Variants in MRPS2 observed in about 807,000 individuals in gnomAD.
The protein encoded by MRPS2 is mitochondrial ribosomal protein S2.
In MRPS2, 13 loss-of-function variants were observed where a neutral mutation model predicts 18.9. The observed-to-expected ratio is 0.69, with a 90% CI of 0.45 to 1.09. MRPS2 has a LOEUF of 1.09. Among genes scored for constraint, MRPS2 ranks in the 50% least tolerant of loss-of-function variants. The pLI is 0.00. For missense variants in MRPS2, 389 were observed against 421.7 expected, an observed-to-expected ratio of 0.92 and a Z score of 0.68; for synonymous variants, 186 against 178.4, an observed-to-expected ratio of 1.04 and a Z score of -0.34.
rs763430687 is a variant in MRPS2 at position 135,503,776 on chromosome 9, C to T, written c.534C>T (p.Asn178=). 2.7e-5 allele frequency: 43 copies of T among 1,612,768 alleles called. No individual in the cohort carries two copies. Among genetic ancestry groups the T allele is most frequent in the Admixed American group, 1.3e-4 (8 of 60,006 alleles). ...TRYFRGGMLT[N]ARLLFGPTVR... Reference sequence around the variant, plus strand: ...ACTTCAGGGGCGGCATGCTGACCAACGCGCGCCTCCTCTTTGGCCCCACGG... The same window carrying T: ...ACTTCAGGGGCGGCATGCTGACCAATGCGCGCCTCCTCTTTGGCCCCACGG... The change falls in exon 4 of 4, where the codon AAC becomes AAT. Residue 178 remains asparagine, a synonymous_variant. Coordinates refer to ENST00000241600, the MANE Select transcript of MRPS2 (RefSeq NM_016034.5).
At position 135,500,766 on chromosome 9, in the gene MRPS2, T is replaced by G; in HGVS notation, c.43+13T>G. The G allele has an allele frequency of 6.8e-7, 1 of 1,475,704 alleles. No individual in the cohort carries two copies. Among genetic ancestry groups the G allele is most frequent in the South Asian group, 1.4e-5 (1 of 73,022 alleles). 91.4% of individuals were successfully genotyped at this position (1,475,704 alleles called of 1,614,324 possible). ...ATACTCGGCGCGGGTGAGCGCGCGC[T>G]TGCGGGACCCTGGGGAGGAGCATGC... On this transcript the variant is annotated intron_variant, in intron 1 of 3. Coordinates refer to ENST00000241600, the MANE Select transcript of MRPS2 (RefSeq NM_016034.5).
At chr9:135,500,657 G>C (rs1237826806), upstream of MRPS2, 5 of 1,406,810 alleles carry the variant, frequency 3.6e-6, no homozygotes, top group South Asian at 3.1e-5. Context: ...GACGGAAGGG[G>C]AGGCCGCTCG....
chr9:135,504,148 C>G lies in MRPS2; in HGVS notation c.*15C>G. 1 of 1,560,088 alleles carries G rather than the reference C, an allele frequency of 6.4e-7. No individual in the cohort carries two copies. The highest frequency in any genetic ancestry group is 1.2e-5 in the South Asian group (1 of 84,098). On this transcript the variant is annotated 3_prime_UTR_variant, in exon 4 of 4. Coordinates refer to ENST00000241600, the MANE Select transcript of MRPS2 (RefSeq NM_016034.5). The surrounding 1 kb of genome is among the most constrained non-coding windows in gnomAD (Gnocchi z 4.3). ...ATTCCCTGTGATGTTCACTCTCCTCCCAAAGCAAACCACAGCCAAGCCTGT... is the reference window on the plus strand; with the variant it reads ...ATTCCCTGTGATGTTCACTCTCCTCGCAAAGCAAACCACAGCCAAGCCTGT...
At chr9:135,500,920 G>A (rs778102287) in intron 1 of MRPS2, 78 bp from the exon 2 acceptor site, 1 of 1,590,970 alleles carries the variant, frequency 6.3e-7, no homozygotes, top group Non-Finnish European at 8.6e-7. Flanking sequence ...ACGCGGAGGG[G>A]CCCGTTGGGG....
In MRPS2 at chr9:135,503,676, T is replaced by G; in HGVS notation, c.434T>G (p.Ile145Arg). Residue 145 changes from isoleucine (I) to arginine (R), a missense_variant, in exon 4 of 4, where the codon ATA (isoleucine) becomes AGA (arginine). Ile to Arg is a moderately conservative substitution (Grantham distance 97, BLOSUM62 -3). Coordinates refer to ENST00000241600, the MANE Select transcript of MRPS2 (RefSeq NM_016034.5). ...MAYRKGIILFISRNRQFSYLI... is the reference protein window; with the variant it reads ...MAYRKGIILFRSRNRQFSYLI... Reference sequence around the variant, plus strand: ...TACCGCAAGGGCATCATCTTGTTTATAAGCCGCAACCGGCAGTTCTCGTAC... The same window carrying G: ...TACCGCAAGGGCATCATCTTGTTTAGAAGCCGCAACCGGCAGTTCTCGTAC... The G allele has an allele frequency of 1.2e-6, 2 of 1,613,818 alleles. No homozygotes were observed. Among genetic ancestry groups the G allele is most frequent in the Non-Finnish European group, 1.7e-6 (2 of 1,180,034 alleles).
Position 135,500,771 on chromosome 9 carries a change from G to A in MRPS2, c.43+18G>A. 1 of 1,471,724 alleles carries A rather than the reference G, an allele frequency of 6.8e-7. No homozygotes were observed. The highest frequency in any genetic ancestry group is 8.9e-7 in the Non-Finnish European group (1 of 1,117,674). The allele number at this position is 1,471,724 out of a possible 1,614,324, so 91.2% of individuals were successfully genotyped here. On this transcript the variant is annotated intron_variant, in intron 1 of 3. Transcript: ENST00000241600. ...CGGCGCGGGTGAGCGCGCGCTTGCGGGACCCTGGGGAGGAGCATGCGAGGA... is the reference window on the plus strand; with the variant it reads ...CGGCGCGGGTGAGCGCGCGCTTGCGAGACCCTGGGGAGGAGCATGCGAGGA...
upstream of MRPS2, chr9:135,499,966 C>T: frequency 7.8e-7 from 1 of 1,277,262 alleles, no homozygotes; most frequent in Non-Finnish European, 1.0e-6. Context: ...GGCCGGGTTC[C>T]TCTGCGGGTG....
intron 2 of MRPS2, chr9:135,501,494 C>G: frequency 1.2e-6 from 1 of 820,802 alleles, no homozygotes; most frequent in South Asian, 2.7e-5. Context: ...TGGGGACTTT[C>G]TGGCTGGCCA....
At chr9:135,503,134 A>G (rs1831189885) in intron 3 of MRPS2, 4 of 1,047,210 alleles carry the variant, frequency 3.8e-6, no homozygotes, top group Non-Finnish European at 4.6e-6. Context: ...CTTTTGGCCC[A>G]GAGCACCCCG....
rs972761120 is a variant in MRPS2, at chr9:135,502,202, G to T, written c.299+229G>T. 3.7e-6 allele frequency: 5 copies of T among 1,353,512 alleles called. No individual in the cohort carries two copies. In the African/African-American group the frequency reaches 5.9e-5, roughly 16 times the overall value. The allele number at this position is 1,353,512 out of a possible 1,614,324, so 83.8% of individuals were successfully genotyped here. A position where few individuals can be genotyped will look rare whatever the true frequency, so the allele number is the denominator to read the frequency against. The stretch of plus-strand genomic sequence containing the variant: ...GCGCTCACAGCCCTTGATAGGGCAG[G>T]CCTGCTGGGGGTTGCAGGACTCCAC... On this transcript the variant is annotated intron_variant, in intron 3 of 3. Transcript: ENST00000241600.
In MRPS2 at chr9:135,501,572, CCT is replaced by C. The variant is rs901867350; in HGVS notation, c.170-269_170-268del. The stretch of plus-strand genomic sequence containing the variant: ...ACCCGCTGGGCCCCTCTCTTTTTCT[CCT>C]CTGTCTTCCAAGTAAGACCAAGGGA... On this transcript the variant is annotated intron_variant, in intron 2 of 3. Transcript: ENST00000241600. 10 of 1,118,380 alleles carry C rather than the reference CCT, an allele frequency of 8.9e-6. No homozygotes were observed. In the African/African-American group the frequency reaches 1.4e-4, roughly 16 times the overall value. 69.3% of individuals were successfully genotyped at this position (1,118,380 alleles called of 1,614,324 possible).
In MRPS2 at chr9:135,504,273, CA is replaced by C; in HGVS notation, c.*141del. On this transcript the variant is annotated 3_prime_UTR_variant, in exon 4 of 4. Transcript: ENST00000241600. The surrounding 1 kb of genome is among the most constrained non-coding windows in gnomAD (Gnocchi z 4.3). ...ACAGTGCAGACATCCACCGTTCCAC[CA>C]CAGAACCAGTGGCTGAGCGGACCAA... 1 of 832,842 alleles carries C rather than the reference CA, an allele frequency of 1.2e-6. No individual in the cohort carries two copies. The highest frequency in any genetic ancestry group is 1.8e-6 in the Non-Finnish European group (1 of 548,558). 51.6% of individuals were successfully genotyped at this position (832,842 alleles called of 1,614,324 possible).
Position 135,503,620 on chromosome 9 carries a change from G to A in MRPS2, c.378G>A (p.Gln126=). The change falls in exon 4 of 4, where the codon CAG becomes CAA. Residue 126 remains glutamine, a synonymous_variant. Transcript: ENST00000241600. Reference sequence around the variant, plus strand: ...TGGAACAGACAGCCACGCACCTCCAGCTGGCCTTGAACTTCACCGCCCACA... The same window carrying A: ...TGGAACAGACAGCCACGCACCTCCAACTGGCCTTGAACTTCACCGCCCACA... ...IDLEQTATHL[Q]LALNFTAHMA... 4.3e-6 allele frequency: 7 copies of A among 1,613,814 alleles called. No homozygotes were observed. Among genetic ancestry groups the A allele is most frequent in the Non-Finnish European group, 5.9e-6 (7 of 1,180,030 alleles).
At chr9:135,500,195 C>T (rs1451222317), upstream of MRPS2, 5 of 337,416 alleles carry the variant, frequency 1.5e-5, no homozygotes, top group South Asian at 6.7e-5. Context: ...CAGGTCCACT[C>T]GGCAGGCAAC....
Position 135,501,827 on chromosome 9 carries a change from C to G in MRPS2, c.170-17C>G, listed in dbSNP as rs933326647. 5.0e-6 allele frequency: 8 copies of G among 1,612,500 alleles called. No homozygotes were observed. The highest frequency in any genetic ancestry group is 6.8e-6 in the Non-Finnish European group (8 of 1,179,690). ...CACCGGTGGGAGACGCAGCGTCGCT[C>G]CTCCTCCCTGCCGTAGATTTCAACG... is the stretch of plus-strand genomic sequence containing the variant. On this transcript the variant is annotated splice_polypyrimidine_tract_variant and intron_variant, in intron 2 of 3. Transcript: ENST00000241600.
chr9:135,501,744 A>C, intron 2 of MRPS2, 100 bp from the exon 3 acceptor site: 1 of 1,543,178 alleles, frequency 6.5e-7, no homozygotes, highest in Admixed American at 1.8e-5. Context: ...CCTCGGTGTC[A>C]CAGAAGGCAC....
chr9:135,501,057 C>T lies in MRPS2; in HGVS notation c.103C>T (p.Arg35Trp), dbSNP rs1221127434. The change falls in exon 2 of 4, where the codon CGG becomes TGG. Residue 35 changes from arginine (R) to tryptophan (W), a missense_variant. Coordinates refer to ENST00000241600, the MANE Select transcript of MRPS2 (RefSeq NM_016034.5). ...CGGGAAGGCGACCCCCCGGCCTGCT[C>T]GGCCGAGCCGCAGGACGCTTGGAAG... Reference protein sequence around the residue: ...FLGKATPRPARPSRRTLGSAT... With the variant: ...FLGKATPRPAWPSRRTLGSAT... 3 of 1,609,364 alleles carry T rather than the reference C, an allele frequency of 1.9e-6. No individual in the cohort carries two copies. Among genetic ancestry groups the T allele is most frequent in the Non-Finnish European group, 1.7e-6 (2 of 1,178,638 alleles).
chr9:135,504,249 C>T lies in MRPS2; in HGVS notation c.*116C>T. 1 of 937,322 alleles carries T rather than the reference C, an allele frequency of 1.1e-6. No individual in the cohort carries two copies. Among genetic ancestry groups the T allele is most frequent in the African/African-American group, 1.7e-5 (1 of 59,910 alleles). The allele number at this position is 937,322 out of a possible 1,614,324, so 58.1% of individuals were successfully genotyped here. On this transcript the variant is annotated 3_prime_UTR_variant, in exon 4 of 4. Transcript: ENST00000241600. The surrounding 1 kb of genome is among the most constrained non-coding windows in gnomAD (Gnocchi z 4.3). Reference sequence around the variant, plus strand: ...GTTGTTACTTACTCAGCTGATGTCACAGTGCAGACATCCACCGTTCCACCA... The same window carrying T: ...GTTGTTACTTACTCAGCTGATGTCATAGTGCAGACATCCACCGTTCCACCA...
chr9:135,500,015 A>G, upstream of MRPS2: 1 of 807,444 alleles, frequency 1.2e-6, no homozygotes, highest in Non-Finnish European at 1.8e-6. Context: ...AGGGCCGGGA[A>G]GGTCGGGACG....
Sources: gnomAD v4.1 joint callset for allele counts on GRCh38, gnomAD v4.1.1 for gene constraint, Gnocchi (gnomAD v3.1) non-coding constraint, MANE v1.5 for transcripts, NCBI Gene and HGNC (gene_info 2026-07-23, HGNC 2026-07-21) for gene names.